Variants in RBM6 observed in about 807,000 individuals in gnomAD.
RBM6 encodes RNA binding motif protein 6.
RBM6 carries 23 observed loss-of-function variants against 140.4 expected under a neutral mutation model. The observed-to-expected ratio is 0.16, with a 90% CI of 0.12 to 0.23. RBM6 has a LOEUF of 0.23. Among genes scored for constraint, RBM6 ranks in the 10% least tolerant of loss-of-function variants. The pLI is 1.00. For missense variants in RBM6, 1,139 were observed against 1,386.7 expected (o/e 0.82, Z 2.84); for synonymous variants, 439 against 475.6 (o/e 0.92, Z 1.00).
intron 2 of RBM6, among the ~76,000 whole-genome samples, chr3:49,965,858 G>T (rs2084492449): frequency 6.6e-6 from 1 of 152,292 alleles, no homozygotes; most frequent in East Asian, 1.9e-4. Context: ...CGGGCATGGT[G>T]GCTCACGCCT....
intron 12 of RBM6, 45 bp from the exon 13 acceptor site, chr3:50,061,095 G>A (rs778981945): frequency 1.9e-6 from 3 of 1,612,906 alleles, no homozygotes; most frequent in African/African-American, 2.7e-5. Context: ...TAAGGTGAAT[G>A]ACCATTGGAT....
chr3:49,968,018 G>T lies in RBM6; in HGVS notation c.593G>T (p.Arg198Met), dbSNP rs757917732. The T allele has an allele frequency of 1.9e-6, 3 of 1,614,030 alleles. No homozygotes were observed. The African/African-American group carries it at 4.0e-5, about 22-fold the overall frequency. ...RDGSHADFRG[R>M]DLSDLDFRAR... is the part of the protein sequence containing the mutation. ...GGATCCCATGCAGATTTTAGGGGAAGGGATTTATCAGATTTGGATTTTAGG... is the reference window on the plus strand; with the variant it reads ...GGATCCCATGCAGATTTTAGGGGAATGGATTTATCAGATTTGGATTTTAGG... Residue 198 changes from arginine to methionine, a missense_variant, in exon 3 of 21, where the codon AGG becomes ATG. By Grantham distance (91) the Arg-to-Met change is moderately conservative. Coordinates refer to ENST00000266022, the MANE Select transcript of RBM6 (RefSeq NM_005777.3).
chr3:50,062,431 G>A (rs1281178122), intron 15 of RBM6, among the ~76,000 whole-genome samples: 1 of 151,644 alleles, frequency 6.6e-6, no homozygotes, highest in Non-Finnish European at 1.5e-5. Flanking sequence ...TTGAACCCTG[G>A]AGGCAGAGGT....
At chr3:50,020,668 G>A (rs1309101205) in intron 6 of RBM6, among the ~76,000 whole-genome samples, 5 of 152,176 alleles carry the variant, frequency 3.3e-5, no homozygotes, top group Non-Finnish European at 7.3e-5. Context: ...CAAATACCAT[G>A]GAGTGTACAT....
At chr3:50,010,487 G>T (rs1192188921) in intron 6 of RBM6, among the ~76,000 whole-genome samples, 1 of 151,984 alleles carries the variant, frequency 6.6e-6, no homozygotes, top group African/African-American at 2.4e-5. Flanking sequence ...AAATAGTGAG[G>T]ATGGTTGACC....
chr3:50,064,320 A>G (rs571899527), intron 15 of RBM6, among the ~76,000 whole-genome samples: 15 of 152,052 alleles, frequency 9.9e-5, no homozygotes, highest in Non-Finnish European at 1.9e-4. Context: ...TTAGAGTCAT[A>G]CTGATTTAAT....
chr3:50,023,655 A>ATT (rs35083306), intron 6 of RBM6, among the ~76,000 whole-genome samples: 1,467 of 115,044 alleles, frequency 0.013, 62 homozygotes, highest in African/African-American at 0.033. Flanking sequence ...ATGTTTGGTG[A>ATT]TTTTTTTTTT....
chr3:50,025,160 C>T (rs891123772), intron 6 of RBM6, among the ~76,000 whole-genome samples: 2 of 151,768 alleles, frequency 1.3e-5, no homozygotes, highest in South Asian at 2.1e-4. Flanking sequence ...CGCGGTGGCT[C>T]ACGCCTGTAA....
Position 50,066,277 on chromosome 3 carries a change from T to C in RBM6, c.2718T>C (p.Gly906=). 6.2e-7 allele frequency: 1 copy of C among 1,613,508 alleles called. No homozygotes were observed. Among genetic ancestry groups the C allele is most frequent in the Non-Finnish European group, 8.5e-7 (1 of 1,179,886 alleles). ...TAAACCCACTGATCGGCCTCTTGGG[T>C]GAATATGGAGGAGACAGTGACTATG... ...KVVNPLIGLL[G]EYGGDSDYEE... is the part of the protein sequence containing the mutation. Residue 906 remains glycine (G), a synonymous_variant, in exon 17 of 21, where the codon GGT becomes GGC. Transcript: ENST00000266022.
In RBM6 at chr3:49,950,382, C is replaced by T. The variant is rs973987408; in HGVS notation, c.-67+10157C>T. Among the ~76,000 whole-genome samples, 6 of 152,114 alleles carry T rather than the reference C, an allele frequency of 3.9e-5. 1 individual carries two copies. In the South Asian group the frequency reaches 1.2e-3, roughly 31 times the overall value. On this transcript the variant is annotated intron_variant, in intron 1 of 20. Transcript: ENST00000266022. ...GATGGCCTGGGATATTGGTACTGTG[C>T]TGCTAGAGGTGCAATTCCTGGTTCT...
intron 1 of RBM6, among the ~76,000 whole-genome samples, chr3:49,961,788 G>T (rs1336216017): frequency 1.3e-5 from 2 of 148,816 alleles, no homozygotes; most frequent in African/African-American, 5.0e-5. Context: ...GACAGAGAGA[G>T]ATTCTGTCTT....
intron 5 of RBM6, among the ~76,000 whole-genome samples, chr3:49,978,679 A>C (rs567230790): frequency 6.6e-6 from 1 of 152,188 alleles, no homozygotes; most frequent in Non-Finnish European, 1.5e-5. Flanking sequence ...TTACGCTGCA[A>C]AATTATTAAT....
chr3:49,967,378 A>G lies in RBM6; in HGVS notation c.45-92A>G. On this transcript the variant is annotated intron_variant, in intron 2 of 20. Transcript: ENST00000266022. This position sits in a 1 kb window ranked among gnomAD's most constrained non-coding sequence, Gnocchi z 4.0. ...ACTCTGCCAAAAAAAAAATGTTTACAGAAGAATGTGCTGTGATTAGAGAAG... is the reference window on the plus strand; with the variant it reads ...ACTCTGCCAAAAAAAAAATGTTTACGGAAGAATGTGCTGTGATTAGAGAAG... 2 of 1,512,290 alleles carry G rather than the reference A, an allele frequency of 1.3e-6. No homozygotes were observed. The highest frequency in any genetic ancestry group is 2.8e-5 in the South Asian group (2 of 72,418). The allele number at this position is 1,512,290 out of a possible 1,614,324, so 93.7% of individuals were successfully genotyped here.
intron 7 of RBM6, among the ~76,000 whole-genome samples, chr3:50,053,347 C>G (rs2089557083): frequency 6.6e-6 from 1 of 152,124 alleles, no homozygotes; most frequent in Non-Finnish European, 1.5e-5. Context: ...GCCTGACCAA[C>G]ATGGAGAAAC....
chr3:49,942,098 C>A (rs78310267), intron 1 of RBM6, among the ~76,000 whole-genome samples: 35 of 138,908 alleles, frequency 2.5e-4, no homozygotes, highest in African/African-American at 3.2e-4. Context: ...AAGACTGTCT[C>A]AAAAAAAAAA....
chr3:50,040,517 C>CAT (rs1471313217), intron 6 of RBM6, among the ~76,000 whole-genome samples: 6 of 140,174 alleles, frequency 4.3e-5, no homozygotes, highest in Admixed American at 2.9e-4. Context: ...CACACACACA[C>CAT]GTGTGTATAT....
intron 1 of RBM6, among the ~76,000 whole-genome samples, chr3:49,961,240 G>A (rs1304858789): frequency 2.0e-5 from 3 of 151,990 alleles, no homozygotes; most frequent in Non-Finnish European, 2.9e-5. Context: ...ACCACACCTG[G>A]CTAATTTTTG....
In RBM6 at chr3:49,975,313, A is replaced by G. The variant is rs1172275214; in HGVS notation, c.1414-10A>G. 1.2e-6 allele frequency: 2 copies of G among 1,604,038 alleles called. No homozygotes were observed. The highest frequency in any genetic ancestry group is 1.1e-5 in the South Asian group (1 of 90,810). ...TTTGTATCATTTGTATAAATGCCAT[A>G]TTTTTGCAGATTCTTAATGCTTTTC... is the stretch of plus-strand genomic sequence containing the variant. On this transcript the variant is annotated splice_polypyrimidine_tract_variant and intron_variant, in intron 4 of 20. Coordinates refer to ENST00000266022, the MANE Select transcript of RBM6 (RefSeq NM_005777.3).
intron 5 of RBM6, among the ~76,000 whole-genome samples, chr3:49,979,737 A>C (rs2085219559): frequency 1.3e-5 from 2 of 152,056 alleles, no homozygotes; most frequent in South Asian, 4.2e-4. Context: ...CACTGTGCCC[A>C]GCCAGCTTAC....
Sources: allele counts gnomAD v4.1 joint callset (sites outside exome capture counted in the v4.1 genomes callset), GRCh38; gene constraint gnomAD v4.1.1; non-coding constraint Gnocchi (gnomAD v3.1); transcripts MANE v1.5; gene names NCBI Gene and HGNC (gene_info 2026-07-23, HGNC 2026-07-21).